CAMTA1: variants seen among roughly 807,000 people sequenced by gnomAD.
CAMTA1 encodes the protein calmodulin binding transcription activator 1.
Under a neutral mutation model 170.9 loss-of-function variants are expected in CAMTA1, and 27 were observed. The observed-to-expected ratio is 0.16, with a 90% confidence interval of 0.12 to 0.22. CAMTA1 has a LOEUF of 0.22. CAMTA1 is among the 10% of genes least tolerant of loss of function. The pLI is 1.00. For missense variants in CAMTA1, 1,619 were observed against 2,217.2 expected, an observed-to-expected ratio of 0.73 and a Z score of 5.42; for synonymous variants, 833 against 891.5, an observed-to-expected ratio of 0.93 and a Z score of 1.17.
chr1:7,660,479 A>T (rs759185743), intron 7 of CAMTA1, among the ~76,000 whole-genome samples: 1 of 152,220 alleles, frequency 6.6e-6, no homozygotes, highest in East Asian at 1.9e-4. Flanking sequence ...CCGAGTCTAC[A>T]GTGAGTCGTG....
At chr1:7,639,274 C>T (rs537037942) in intron 6 of CAMTA1, among the ~76,000 whole-genome samples, 4 of 152,330 alleles carry the variant, frequency 2.6e-5, no homozygotes, top group East Asian at 1.9e-4. Context: ...CCACCACGCC[C>T]GGCCCAAACT....
At chr1:6,931,180 A>C (rs1684351056) in intron 3 of CAMTA1, among the ~76,000 whole-genome samples, 1 of 152,152 alleles carries the variant, frequency 6.6e-6, no homozygotes, top group South Asian at 2.1e-4. Flanking sequence ...GGGCACCCCT[A>C]GGGAGCTTAC....
chr1:7,530,388 G>A (rs1193167), intron 6 of CAMTA1, among the ~76,000 whole-genome samples: 79,851 of 152,108 alleles, frequency 0.52, 22,142 homozygotes, highest in Non-Finnish European at 0.62. Flanking sequence ...TATTAAGTCT[G>A]TTGATTCGAG....
At chr1:7,611,181 G>C (rs1009943044) in intron 6 of CAMTA1, among the ~76,000 whole-genome samples, 1 of 152,234 alleles carries the variant, frequency 6.6e-6, no homozygotes, top group African/African-American at 2.4e-5. Flanking sequence ...TGCTCTCGGT[G>C]CAGAGTTGGG....
At chr1:7,272,459 A>G (rs569488124) in intron 5 of CAMTA1, among the ~76,000 whole-genome samples, 7 of 152,222 alleles carry the variant, frequency 4.6e-5, no homozygotes, top group Non-Finnish European at 1.0e-4. Flanking sequence ...ACAGAAGAAC[A>G]AAGTTGGAGA....
chr1:7,310,651 C>CTTTCTTTCT (rs1676418191), intron 5 of CAMTA1, among the ~76,000 whole-genome samples: 1 of 46,080 alleles, frequency 2.2e-5, no homozygotes, highest in African/African-American at 1.2e-4. Context: ...TTTCTTTTTT[C>CTTTCTTTCT]TTTCTTTCTT....
intron 14 of CAMTA1, 55 bp from the exon 15 acceptor site, chr1:7,737,200 A>G: frequency 6.4e-7 from 1 of 1,556,690 alleles, no homozygotes; most frequent in Non-Finnish European, 8.7e-7. Flanking sequence ...GGCAAAAGTC[A>G]GGTCTGGTCT....
intron 11 of CAMTA1, among the ~76,000 whole-genome samples, chr1:7,720,580 C>T (rs183783096): frequency 8.5e-5 from 13 of 152,198 alleles, no homozygotes; most frequent in South Asian, 4.2e-4. Flanking sequence ...CGGGGTTCAC[C>T]ACATTGGCCA....
intron 11 of CAMTA1, among the ~76,000 whole-genome samples, chr1:7,696,266 G>A (rs188020355): frequency 4.6e-5 from 7 of 152,082 alleles, no homozygotes; most frequent in African/African-American, 9.6e-5. Context: ...GCGCAATCTC[G>A]GCTCATTGCA....
Position 7,532,157 on chromosome 1 carries a change from C to T in CAMTA1, c.510+64256C>T, listed in dbSNP as rs936272160. 6.6e-6 allele frequency among the ~76,000 whole-genome samples: 1 copy of T among 152,072 alleles called. No homozygotes were observed. Among genetic ancestry groups the T allele is most frequent in the Non-Finnish European group, 1.5e-5 (1 of 68,028 alleles). On this transcript the variant is annotated intron_variant, in intron 6 of 22. Transcript: ENST00000303635. This position sits in a 1 kb window ranked among gnomAD's most constrained non-coding sequence, Gnocchi z 4.2. ...CCGGGCCCACCCGAGCCCTAAGCTG[C>T]AGCCCTTGGGACGTCTCCATTGAGC...
chr1:7,562,565 T>G lies in CAMTA1; in HGVS notation c.511-77835T>G, dbSNP rs1483846016. 5.3e-5 allele frequency among the ~76,000 whole-genome samples: 8 copies of G among 152,312 alleles called. No individual in the cohort carries two copies. In the South Asian group the frequency reaches 1.2e-3, roughly 24 times the overall value. ...CTACCTGGCCCCTGACAGGCAGCAG[T>G]ACCCGCTGTCACGCTGCCTGCATGT... On this transcript the variant is annotated intron_variant, in intron 6 of 22. Coordinates refer to ENST00000303635, the MANE Select transcript of CAMTA1 (RefSeq NM_015215.4). The surrounding 1 kb of genome is among the most constrained non-coding windows in gnomAD (Gnocchi z 4.8).
chr1:7,487,431 G>T (rs935762405), intron 6 of CAMTA1, among the ~76,000 whole-genome samples: 1 of 152,240 alleles, frequency 6.6e-6, no homozygotes, highest in African/African-American at 2.4e-5. Flanking sequence ...GTTCATCAAG[G>T]ATTCTTGGAT....
chr1:7,247,835 A>G (rs574392101), intron 4 of CAMTA1, among the ~76,000 whole-genome samples: 3 of 152,310 alleles, frequency 2.0e-5, no homozygotes, highest in African/African-American at 7.2e-5. Context: ...CCTACCTGCC[A>G]TTTAGAAATG....
chr1:7,520,752 G>A (rs2094355178), intron 6 of CAMTA1, among the ~76,000 whole-genome samples: 1 of 152,254 alleles, frequency 6.6e-6, no homozygotes, highest in South Asian at 2.1e-4. Flanking sequence ...ACACAGCCTC[G>A]TGCATCTTGC....
chr1:7,322,461 C>T (rs914819761), intron 5 of CAMTA1, among the ~76,000 whole-genome samples: 1 of 152,354 alleles, frequency 6.6e-6, no homozygotes, highest in South Asian at 2.1e-4. Flanking sequence ...TAAATGAATG[C>T]GTGTGGCTAT....
At chr1:7,135,790 G>A (rs1645507219) in intron 4 of CAMTA1, among the ~76,000 whole-genome samples, 1 of 152,144 alleles carries the variant, frequency 6.6e-6, no homozygotes, top group African/African-American at 2.4e-5. Context: ...CGTAATTCAT[G>A]ATGGTTTTTA....
chr1:6,977,775 A>G (rs1693719294), intron 3 of CAMTA1, among the ~76,000 whole-genome samples: 1 of 152,240 alleles, frequency 6.6e-6, no homozygotes, highest in Non-Finnish European at 1.5e-5. Flanking sequence ...TAAGTCACGT[A>G]TCTAAAAAGT....
rs536684033 is a variant in CAMTA1, at chr1:7,463,887, G to A, written c.439-3943G>A. ...CTGCGGCCATGCTCCCTTCAGAAAC[G>A]CCACTTTCTTTTTTGAGGCATTTAC... On this transcript the variant is annotated intron_variant, in intron 5 of 22. Coordinates refer to ENST00000303635, the MANE Select transcript of CAMTA1 (RefSeq NM_015215.4). The surrounding 1 kb of genome is among the most constrained non-coding windows in gnomAD (Gnocchi z 4.7). Among the ~76,000 whole-genome samples the A allele has an allele frequency of 3.3e-5, 5 of 152,302 alleles. No homozygotes were observed. Among genetic ancestry groups the A allele is most frequent in the South Asian group, 4.1e-4 (2 of 4,828 alleles).
At chr1:7,094,146 A>G (rs190765143) in intron 4 of CAMTA1, among the ~76,000 whole-genome samples, 7 of 152,204 alleles carry the variant, frequency 4.6e-5, no homozygotes, top group Non-Finnish European at 1.0e-4. Context: ...TATTAGTATT[A>G]TAATATCCAC....
Sources: allele counts gnomAD v4.1 joint callset (sites outside exome capture counted in the v4.1 genomes callset), GRCh38; gene constraint gnomAD v4.1.1; non-coding constraint Gnocchi (gnomAD v3.1); transcripts MANE v1.5; gene names NCBI Gene and HGNC (gene_info 2026-07-23, HGNC 2026-07-21).